Variants in ST6GALNAC3 observed in about 807,000 individuals in gnomAD.
The protein encoded by ST6GALNAC3 is ST6 N-acetylgalactosaminide alpha-2,6-sialyltransferase 3.
A neutral mutation model predicts 32.7 loss-of-function variants in ST6GALNAC3; 25 were observed. The ratio of observed to expected loss-of-function variants is 0.76; its 90% CI spans 0.56 to 1.07. The LOEUF (loss-of-function observed/expected upper bound fraction) is 1.07, where lower values mean the gene tolerates loss of function less well. ST6GALNAC3 is among the 50% of genes least tolerant of loss of function. The pLI is 0.00. For synonymous variants in ST6GALNAC3, 129 were observed against 133.1 expected (o/e 0.97, Z 0.21); for missense variants, 355 against 382.4 (o/e 0.93, Z 0.60).
intron 3 of ST6GALNAC3, among the ~76,000 whole-genome samples, chr1:76,622,826 T>G (rs1648733898): frequency 6.6e-6 from 1 of 152,006 alleles, no homozygotes; most frequent in African/African-American, 2.4e-5. Flanking sequence ...TCCAGTTCTC[T>G]TTTGAAAAGT....
Position 76,634,186 on chromosome 1 carries a change from C to T in ST6GALNAC3, c.*5380C>T. On this transcript the variant is annotated 3_prime_UTR_variant, in exon 5 of 5. Coordinates refer to ENST00000328299, the MANE Select transcript of ST6GALNAC3 (RefSeq NM_152996.4). ...CAGAAAAATAGAAGCTCACTTCCTT[C>T]CATAAAGGTGAAGAACATCTTGATG... The T allele has an allele frequency of 1.0e-6, 1 of 983,022 alleles. No individual in the cohort carries two copies. Among genetic ancestry groups the T allele is most frequent in the South Asian group, 4.7e-5 (1 of 21,232 alleles). 60.9% of individuals were successfully genotyped at this position (983,022 alleles called of 1,614,324 possible). A position where few individuals can be genotyped will look rare whatever the true frequency, so the allele number is the denominator to read the frequency against.
chr1:76,489,180 G>T (rs775788429), intron 3 of ST6GALNAC3, among the ~76,000 whole-genome samples: 1 of 152,078 alleles, frequency 6.6e-6, no homozygotes, highest in Non-Finnish European at 1.5e-5. Context: ...TGCAAACATT[G>T]CTTATCAAGA....
At chr1:76,252,065 G>A (rs1446151410) in intron 1 of ST6GALNAC3, among the ~76,000 whole-genome samples, 1 of 152,174 alleles carries the variant, frequency 6.6e-6, no homozygotes, top group African/African-American at 2.4e-5. Context: ...AGATGGTGGG[G>A]AGCGTTGGTA....
chr1:76,456,615 C>G (rs1430661067), intron 3 of ST6GALNAC3, among the ~76,000 whole-genome samples: 1 of 152,116 alleles, frequency 6.6e-6, no homozygotes, highest in Non-Finnish European at 1.5e-5. Flanking sequence ...ATGATTATCT[C>G]AATAGATGCA....
intron 1 of ST6GALNAC3, among the ~76,000 whole-genome samples, chr1:76,110,487 A>T (rs994538690): frequency 5.3e-5 from 8 of 152,268 alleles, no homozygotes; most frequent in African/African-American, 1.9e-4. Flanking sequence ...TCTTGGGAGA[A>T]GTGAGGACCT....
intron 2 of ST6GALNAC3, among the ~76,000 whole-genome samples, chr1:76,316,519 T>C (rs867657332): frequency 5.3e-5 from 8 of 152,116 alleles, no homozygotes; most frequent in Middle Eastern, 3.4e-3. Flanking sequence ...ATTCCGTTTA[T>C]GGGTCACAAG....
At chr1:76,129,500 G>A (rs146064288) in intron 1 of ST6GALNAC3, among the ~76,000 whole-genome samples, 39 of 152,228 alleles carry the variant, frequency 2.6e-4, no homozygotes, top group African/African-American at 8.9e-4. Context: ...CCCCAGTGAG[G>A]TGAGGGTATC....
chr1:76,628,551 A>C, intron 4 of ST6GALNAC3, 69 bp from the exon 5 acceptor site: 1 of 1,395,306 alleles, frequency 7.2e-7, no homozygotes, highest in Non-Finnish European at 9.5e-7. Context: ...CACATAATGG[A>C]TTCTTGTAAA....
chr1:76,450,388 C>G (rs112469231), intron 3 of ST6GALNAC3, among the ~76,000 whole-genome samples: 1,935 of 152,134 alleles, frequency 0.013, 41 homozygotes, highest in African/African-American at 0.042. Context: ...TGAGAATTGT[C>G]TATTCTTGTC....
intron 3 of ST6GALNAC3, among the ~76,000 whole-genome samples, chr1:76,503,758 T>C (rs558939239): frequency 1.2e-4 from 18 of 152,286 alleles, no homozygotes; most frequent in African/African-American, 4.3e-4. Context: ...TTGGTCCTAA[T>C]CAGGACTGAA....
chr1:76,313,551 T>C, intron 1 of ST6GALNAC3: 3 of 579,246 alleles, frequency 5.2e-6, no homozygotes, highest in Non-Finnish European at 9.5e-6. Flanking sequence ...GTACAAGGAA[T>C]ATAGTGAGAT....
intron 3 of ST6GALNAC3, among the ~76,000 whole-genome samples, chr1:76,602,665 T>C (rs1045398522): frequency 1.3e-5 from 2 of 152,132 alleles, no homozygotes; most frequent in African/African-American, 4.8e-5. Flanking sequence ...AGAGAAAAGA[T>C]GGATGCATTT....
Position 76,517,576 on chromosome 1 carries a change from G to A in ST6GALNAC3, c.623+105159G>A, listed in dbSNP as rs527440479. On this transcript the variant is annotated intron_variant, in intron 3 of 4. Coordinates refer to ENST00000328299, the MANE Select transcript of ST6GALNAC3 (RefSeq NM_152996.4). ...AAGGCTTACTGTAAATTATTGCTGT[G>A]TTTATTTTCCACCCTTATTAATTAT... Among the ~76,000 whole-genome samples, 3 of 151,770 alleles carry A rather than the reference G, an allele frequency of 2.0e-5. No individual in the cohort carries two copies. In the East Asian group the frequency reaches 5.8e-4, roughly 29 times the overall value.
chr1:76,361,701 A>G (rs1160795268), intron 2 of ST6GALNAC3, among the ~76,000 whole-genome samples: 1 of 152,148 alleles, frequency 6.6e-6, no homozygotes, highest in African/African-American at 2.4e-5. Context: ...CCTGAGGCCC[A>G]GGCATGGTGG....
rs1321452623 is a variant in ST6GALNAC3 at position 76,169,347 on chromosome 1, G to T, written c.18+94463G>T. Reference sequence around the variant, plus strand: ...TAGTCTGATGGGCTTCCCTTTGTAGGTGGCCTGACCTTTCTCTCTAGCTAC... The same window carrying T: ...TAGTCTGATGGGCTTCCCTTTGTAGTTGGCCTGACCTTTCTCTCTAGCTAC... On this transcript the variant is annotated intron_variant, in intron 1 of 4. Transcript: ENST00000328299. 9.9e-5 allele frequency among the ~76,000 whole-genome samples: 15 copies of T among 152,144 alleles called. 1 individual carries two copies. The highest frequency in any genetic ancestry group is 1.5e-5 in the Non-Finnish European group (1 of 68,016).
In ST6GALNAC3 at chr1:76,628,677, T is replaced by C; in HGVS notation, c.789T>C (p.Cys263=). ...YHYYEQGRDE[C]DEYFLHEHAP... The stretch of plus-strand genomic sequence containing the variant: ...ATTATGAACAAGGAAGAGATGAGTG[T>C]GATGAATATTTTCTTCATGAACATG... The change falls in exon 5 of 5, where the codon TGT becomes TGC. Residue 263 remains cysteine (C), a synonymous_variant. Transcript: ENST00000328299. 6.2e-7 allele frequency: 1 copy of C among 1,612,164 alleles called. No individual in the cohort carries two copies. The highest frequency in any genetic ancestry group is 1.3e-5 in the African/African-American group (1 of 74,872).
chr1:76,610,867 A>C (rs762039185), intron 3 of ST6GALNAC3, among the ~76,000 whole-genome samples: 1 of 152,178 alleles, frequency 6.6e-6, no homozygotes, highest in African/African-American at 2.4e-5. Context: ...ATTACTCCAC[A>C]TTAAAAAGCG....
Position 76,412,369 on chromosome 1 carries a change from G to A in ST6GALNAC3, c.575G>A (p.Arg192His), listed in dbSNP as rs562542191. ...NAQIYVTTEK[R>H]MSYCDGVFKK... ...CAAATATACGTGACCACAGAGAAGC[G>A]CATGAGTTACTGTGATGGAGTTTTT... The change falls in exon 3 of 5, where the codon CGC becomes CAC. Residue 192 changes from arginine to histidine, a missense_variant. Arg to His is a conservative substitution (Grantham distance 29). Coordinates refer to ENST00000328299, the MANE Select transcript of ST6GALNAC3 (RefSeq NM_152996.4). 3.3e-5 allele frequency: 54 copies of A among 1,612,404 alleles called. No homozygotes were observed. Among genetic ancestry groups the A allele is most frequent in the South Asian group, 3.1e-4 (28 of 90,978 alleles).
chr1:76,602,652 G>A (rs1464234467), intron 3 of ST6GALNAC3, among the ~76,000 whole-genome samples: 3 of 152,068 alleles, frequency 2.0e-5, no homozygotes, highest in Non-Finnish European at 4.4e-5. Flanking sequence ...AGCACAAACA[G>A]TAAGAGAAAA....
Sources: allele counts gnomAD v4.1 joint callset (sites outside exome capture counted in the v4.1 genomes callset), GRCh38; gene constraint gnomAD v4.1.1; transcripts MANE v1.5; gene names NCBI Gene and HGNC (gene_info 2026-07-23, HGNC 2026-07-21).